The following GABRG3 variants were observed in gnomAD, a reference collection of about 807,000 sequenced individuals.
GABRG3 encodes gamma-aminobutyric acid type A receptor subunit gamma3.
Under a neutral mutation model 48.8 loss-of-function variants are expected in GABRG3, and 25 were observed. That is an observed-to-expected ratio of 0.51 (90% CI 0.37 to 0.72). GABRG3 has a LOEUF of 0.72. Ranked by LOEUF, GABRG3 falls within the 30% of genes least tolerant of loss-of-function variation. GABRG3 has a pLI of 0.00. For synonymous variants in GABRG3, 227 were observed against 217.6 expected, an observed-to-expected ratio of 1.04 and a Z score of -0.38; for missense variants, 394 against 577.9, an observed-to-expected ratio of 0.68 and a Z score of 3.26.
At chr15:27,198,999 T>C (rs1888597055) in intron 3 of GABRG3, among the ~76,000 whole-genome samples, 1 of 151,320 alleles carries the variant, frequency 6.6e-6, no homozygotes, top group African/African-American at 2.4e-5. Flanking sequence ...CTTTTGGGGG[T>C]TGGGGGACAA....
At chr15:27,393,394 G>A (rs1383015711) in intron 5 of GABRG3, among the ~76,000 whole-genome samples, 12 of 151,768 alleles carry the variant, frequency 7.9e-5, no homozygotes, top group South Asian at 6.3e-4. Flanking sequence ...GGACATGGGC[G>A]TGAAGAAAGT....
At chr15:27,351,360 G>A (rs1318480564) in intron 5 of GABRG3, among the ~76,000 whole-genome samples, 1 of 141,596 alleles carries the variant, frequency 7.1e-6, no homozygotes, top group East Asian at 2.2e-4. Context: ...GTATGTGTGA[G>A]TGCCTTTGTG....
intron 5 of GABRG3, among the ~76,000 whole-genome samples, chr15:27,478,382 G>A (rs1890011479): frequency 1.3e-5 from 2 of 152,090 alleles, no homozygotes; most frequent in African/African-American, 2.4e-5. Flanking sequence ...ACATACATAT[G>A]GCCAACAAAA....
intron 5 of GABRG3, among the ~76,000 whole-genome samples, chr15:27,449,580 A>G (rs889099809): frequency 6.6e-6 from 1 of 152,266 alleles, no homozygotes; most frequent in African/African-American, 2.4e-5. Flanking sequence ...ATGTTGTCCA[A>G]GGTGAGTCAG....
chr15:27,139,997 T>A (rs1189684991), intron 3 of GABRG3, among the ~76,000 whole-genome samples: 2 of 152,216 alleles, frequency 1.3e-5, no homozygotes, highest in East Asian at 3.9e-4. Context: ...CAGGTGAGGA[T>A]GAGCAGGGCC....
At chr15:27,298,509 G>A (rs1892079821) in intron 3 of GABRG3, among the ~76,000 whole-genome samples, 1 of 152,076 alleles carries the variant, frequency 6.6e-6, no homozygotes, top group Non-Finnish European at 1.5e-5. Context: ...TATTCGTTGG[G>A]TACTCAGTAA....
intron 3 of GABRG3, among the ~76,000 whole-genome samples, chr15:27,134,739 C>T (rs1897978050): frequency 1.3e-5 from 2 of 152,204 alleles, no homozygotes; most frequent in African/African-American, 2.4e-5. Flanking sequence ...TCATGTTGGT[C>T]TTGCCCTCCA....
In GABRG3 at chr15:27,477,473, C is replaced by T. The variant is rs189597413; in HGVS notation, c.575-3177C>T. Among the ~76,000 whole-genome samples, 33 of 152,266 alleles carry T rather than the reference C, an allele frequency of 2.2e-4. No homozygotes were observed. In the East Asian group the frequency reaches 4.8e-3, roughly 22 times the overall value. On this transcript the variant is annotated intron_variant, in intron 5 of 9. Coordinates refer to ENST00000615808, the MANE Select transcript of GABRG3 (RefSeq NM_033223.5). ...GGGGATTTGTAGGGCAGGAAAGATA[C>T]TCTGTACAATACTGCAGTGGTGGAT...
chr15:27,108,115 A>T (rs1897483106), intron 3 of GABRG3, among the ~76,000 whole-genome samples: 1 of 149,818 alleles, frequency 6.7e-6, no homozygotes, highest in Admixed American at 6.7e-5. Context: ...TTTAGGCCTA[A>T]TTTTCTTTTC....
intron 5 of GABRG3, among the ~76,000 whole-genome samples, chr15:27,412,428 A>G (rs1474144613): frequency 6.6e-6 from 1 of 152,220 alleles, no homozygotes; most frequent in Non-Finnish European, 1.5e-5. Context: ...TAAATGGTAT[A>G]ATACCAGATG....
chr15:27,068,150 G>A (rs554807333), intron 3 of GABRG3, among the ~76,000 whole-genome samples: 2 of 152,334 alleles, frequency 1.3e-5, no homozygotes, highest in East Asian at 3.9e-4. Context: ...AGCTACCAGA[G>A]AGATCTGCTC....
chr15:27,229,225 T>C (rs1889720692), intron 3 of GABRG3, among the ~76,000 whole-genome samples: 1 of 152,232 alleles, frequency 6.6e-6, no homozygotes, highest in South Asian at 2.1e-4. Context: ...TCAATCCATC[T>C]TGAGTTGATT....
At chr15:27,530,647 G>C in intron 9 of GABRG3, 1 of 471,090 alleles carries the variant, frequency 2.1e-6, no homozygotes, top group Non-Finnish European at 4.4e-6. Flanking sequence ...TGGCCTCCAA[G>C]GGTTGCCCTT....
intron 5 of GABRG3, among the ~76,000 whole-genome samples, chr15:27,341,769 A>C (rs1429348426): frequency 6.6e-6 from 1 of 152,206 alleles, no homozygotes; most frequent in Non-Finnish European, 1.5e-5. Flanking sequence ...GGACAGTCAG[A>C]ACCAAAAGAC....
chr15:27,194,007 G>T (rs1353048149), intron 3 of GABRG3, among the ~76,000 whole-genome samples: 2 of 152,012 alleles, frequency 1.3e-5, no homozygotes, highest in East Asian at 3.9e-4. Flanking sequence ...GTTTTCACAT[G>T]GATTACTTGA....
intron 3 of GABRG3, among the ~76,000 whole-genome samples, chr15:27,113,489 G>C (rs935071171): frequency 6.6e-6 from 1 of 152,140 alleles, no homozygotes; most frequent in Non-Finnish European, 1.5e-5. Flanking sequence ...AGTGACCCAG[G>C]TGGAGGGCTG....
chr15:27,190,515 G>C (rs1300090727), intron 3 of GABRG3, among the ~76,000 whole-genome samples: 1 of 152,152 alleles, frequency 6.6e-6, no homozygotes, highest in African/African-American at 2.4e-5. Flanking sequence ...TATTTGCGTA[G>C]AGGTGTTTGT....
intron 2 of GABRG3, among the ~76,000 whole-genome samples, chr15:26,988,739 T>C (rs920735551): frequency 6.6e-6 from 1 of 151,600 alleles, no homozygotes; most frequent in Admixed American, 6.6e-5. Context: ...TGTCTTCCTT[T>C]ATTTTCCTAA....
At chr15:27,316,328 C>G (rs1463362094) in intron 3 of GABRG3, among the ~76,000 whole-genome samples, 1 of 137,062 alleles carries the variant, frequency 7.3e-6, no homozygotes, top group Non-Finnish European at 1.5e-5. Context: ...GCAGAGCTTG[C>G]AGTGAGCCGA....
Sources: allele counts gnomAD v4.1 joint callset (sites outside exome capture counted in the v4.1 genomes callset), GRCh38; gene constraint gnomAD v4.1.1; transcripts MANE v1.5; gene names NCBI Gene and HGNC (gene_info 2026-07-23, HGNC 2026-07-21).